Variants in TEK observed in about 807,000 individuals in gnomAD.
The protein encoded by TEK is angiopoietin-1 receptor.
In TEK, 43 loss-of-function variants were observed where a neutral mutation model predicts 131.8. The observed-to-expected ratio is 0.33, with a 90% confidence interval of 0.26 to 0.42. TEK has a LOEUF of 0.42. Among genes scored for constraint, TEK ranks in the 10% least tolerant of loss-of-function variants. TEK has a pLI of 1.00. For synonymous variants in TEK, 580 were observed against 491.6 expected (o/e 1.18, Z -2.38); for missense variants, 1,162 against 1,384.4 (o/e 0.84, Z 2.55).
rs555135723 is a variant in TEK, at chr9:27,144,238, C to T, written c.53-13593C>T. 1.2e-4 allele frequency among the ~76,000 whole-genome samples: 18 copies of T among 152,106 alleles called. No individual in the cohort carries two copies. The East Asian group carries it at 3.3e-3, about 28-fold the overall frequency. On this transcript the variant is annotated intron_variant, in intron 1 of 22. Transcript: ENST00000380036. ...CAGAGCTTGCAGTGAGCCGAGATCA[C>T]GCCACTGCATTCCAGCCTGGAGACA...
At position 27,173,277 on chromosome 9, in the gene TEK, G is replaced by A; in HGVS notation, c.816G>A (p.Glu272=). ...RTCKERCSGQ[E]GCKSYVFCLP... ...GTAAAGAAAGGTGCAGTGGACAAGA[G>A]GGATGCAAGTCTTATGTGTTCTGTC... The change falls in exon 6 of 23, where the codon GAG becomes GAA. Residue 272 remains glutamate (E), a synonymous_variant. Transcript: ENST00000380036. 1.2e-6 allele frequency: 2 copies of A among 1,614,116 alleles called. No individual in the cohort carries two copies. The highest frequency in any genetic ancestry group is 8.5e-7 in the Non-Finnish European group (1 of 1,179,960).
rs1824857871 is a variant in TEK at position 27,192,501 on chromosome 9, T to C, written c.1502T>C (p.Ile501Thr). Residue 501 changes from isoleucine (I) to threonine (T), a missense_variant, in exon 11 of 23, where the codon ATT becomes ACT. Transcript: ENST00000380036. ...TTTCTCTTCTCAGTGACAAATGAGA[T>C]TGTTACACTCAACTATTTGGAACCT... Reference protein sequence around the residue: ...AWQHIQVTNEIVTLNYLEPRT... With the variant: ...AWQHIQVTNETVTLNYLEPRT... 1.2e-6 allele frequency: 2 copies of C among 1,613,826 alleles called. No individual in the cohort carries two copies. The highest frequency in any genetic ancestry group is 1.7e-5 in the Admixed American group (1 of 59,970).
intron 1 of TEK, among the ~76,000 whole-genome samples, chr9:27,135,964 C>T (rs7042267): frequency 0.47 from 71,496 of 151,964 alleles, 17,445 homozygotes; most frequent in Middle Eastern, 0.56. Flanking sequence ...CTGTGTGTAC[C>T]GTACCGTCAT....
At chr9:27,110,748 C>T (rs947404848) in intron 1 of TEK, among the ~76,000 whole-genome samples, 3 of 152,094 alleles carry the variant, frequency 2.0e-5, no homozygotes, top group Non-Finnish European at 4.4e-5. Context: ...TTATAGCTCT[C>T]AACAACCAAT....
intron 17 of TEK, 151 bp downstream of exon 17, chr9:27,213,048 T>C: frequency 2.4e-6 from 2 of 818,016 alleles, no homozygotes; most frequent in South Asian, 1.7e-5. Flanking sequence ...AGTCCATCTA[T>C]TTAAAGAAAA....
intron 6 of TEK, among the ~76,000 whole-genome samples, chr9:27,174,303 A>G (rs370522910): frequency 3.1e-4 from 47 of 152,330 alleles, no homozygotes; most frequent in African/African-American, 1.1e-3. Context: ...AAAGGTAGCT[A>G]CGATGGGGTC....
intron 21 of TEK, among the ~76,000 whole-genome samples, chr9:27,223,707 A>G (rs369027300): frequency 4.6e-5 from 7 of 152,358 alleles, no homozygotes; most frequent in South Asian, 4.1e-4. Flanking sequence ...AATTAAAAGA[A>G]CTAGAGAAGC....
intron 6 of TEK, among the ~76,000 whole-genome samples, chr9:27,176,176 C>A (rs2131156263): frequency 6.6e-6 from 1 of 152,264 alleles, no homozygotes; most frequent in South Asian, 2.1e-4. Context: ...CTTTAATAGT[C>A]CAGGATTTAG....
intron 1 of TEK, among the ~76,000 whole-genome samples, chr9:27,145,982 A>G (rs919990342): frequency 1.9e-4 from 29 of 152,224 alleles, no homozygotes; most frequent in Non-Finnish European, 1.5e-4. Flanking sequence ...CTCAGCCCCC[A>G]TGTGCCTGCC....
At chr9:27,118,435 G>A (rs1384398881) in intron 1 of TEK, among the ~76,000 whole-genome samples, 1 of 152,062 alleles carries the variant, frequency 6.6e-6, no homozygotes, top group Non-Finnish European at 1.5e-5. Flanking sequence ...AGGAGTTCGA[G>A]ACCATCCTGG....
At chr9:27,137,700 CTCAA>C (rs1370348285) in intron 1 of TEK, among the ~76,000 whole-genome samples, 2 of 152,014 alleles carry the variant, frequency 1.3e-5, no homozygotes, top group African/African-American at 4.8e-5. Flanking sequence ...TCGTTTTACT[CTCAA>C]TTTTAGTTAC....
chr9:27,207,208 C>T (rs1448282289), intron 15 of TEK, among the ~76,000 whole-genome samples: 1 of 152,220 alleles, frequency 6.6e-6, no homozygotes, highest in African/African-American at 2.4e-5. Context: ...CTGCATTTTT[C>T]ATTAGTTTTC....
intron 1 of TEK, among the ~76,000 whole-genome samples, chr9:27,137,399 G>A (rs1047624416): frequency 4.6e-5 from 7 of 152,112 alleles, no homozygotes; most frequent in Non-Finnish European, 8.8e-5. Flanking sequence ...TTTTTCACAT[G>A]TAAGGAGTAG....
intron 21 of TEK, among the ~76,000 whole-genome samples, chr9:27,221,169 G>A (rs1407387858): frequency 6.6e-6 from 1 of 152,180 alleles, no homozygotes; most frequent in Non-Finnish European, 1.5e-5. Flanking sequence ...TTCGAACTGG[G>A]TGGAGCCCAC....
At chr9:27,112,941 A>G (rs1355746701) in intron 1 of TEK, among the ~76,000 whole-genome samples, 1 of 152,260 alleles carries the variant, frequency 6.6e-6, no homozygotes, top group African/African-American at 2.4e-5. Context: ...ATGGAAGACA[A>G]CATAGGCTCT....
chr9:27,210,068 T>C (rs1024942959), intron 16 of TEK, among the ~76,000 whole-genome samples: 4 of 152,208 alleles, frequency 2.6e-5, no homozygotes, highest in Non-Finnish European at 5.9e-5. Flanking sequence ...AGAGACTACT[T>C]CCATTTCCTC....
chr9:27,130,987 TAAGCATGCGAA>T (rs1822192661), intron 1 of TEK, among the ~76,000 whole-genome samples: 1 of 152,214 alleles, frequency 6.6e-6, no homozygotes, highest in Non-Finnish European at 1.5e-5. Context: ...AAATGGCTTA[TAAGCATGCGAA>T]AAGTTTACCC....
chr9:27,225,656 C>A (rs1290679723), intron 21 of TEK, among the ~76,000 whole-genome samples: 1 of 152,108 alleles, frequency 6.6e-6, no homozygotes, highest in East Asian at 1.9e-4. Context: ...CTGGGCAATA[C>A]CATTCAGGAC....
chr9:27,157,914 G>A lies in TEK; in HGVS notation c.136G>A (p.Ala46Thr), dbSNP rs777314139. 7 of 1,613,970 alleles carry A rather than the reference G, an allele frequency of 4.3e-6. No homozygotes were observed. Among genetic ancestry groups the A allele is most frequent in the Non-Finnish European group, 5.9e-6 (7 of 1,180,006 alleles). The change falls in exon 2 of 23, where the codon GCC becomes ACC. Residue 46 changes from alanine to threonine, a missense_variant. Ala to Thr is a moderately conservative substitution (Grantham distance 58). Transcript: ENST00000380036. ...SDAETSLTCIASGWRPHEPIT... is the reference protein window; with the variant it reads ...SDAETSLTCITSGWRPHEPIT... ...TGCTGAAACATCTCTCACCTGCATT[G>A]CCTCTGGGTGGCGCCCCCATGAGCC...
Sources: allele counts gnomAD v4.1 joint callset (sites outside exome capture counted in the v4.1 genomes callset), GRCh38; gene constraint gnomAD v4.1.1; transcripts MANE v1.5; gene names NCBI Gene and HGNC (gene_info 2026-07-23, HGNC 2026-07-21).